Variants in BRINP3 observed in about 807,000 individuals in gnomAD.
The protein encoded by BRINP3 is BMP/retinoic acid-inducible neural-specific protein 3.
In BRINP3, 19 loss-of-function variants were observed where a neutral mutation model predicts 71.0. The observed-to-expected ratio is 0.27, with a 90% CI of 0.19 to 0.39. BRINP3 has a LOEUF of 0.39. Ranked by LOEUF, BRINP3 falls within the 10% of genes least tolerant of loss-of-function variation. The pLI is 1.00. For synonymous variants in BRINP3, 380 were observed against 337.7 expected, an observed-to-expected ratio of 1.13 and a Z score of -1.37; for missense variants, 959 against 940.8, an observed-to-expected ratio of 1.02 and a Z score of -0.25.
intron 2 of BRINP3, among the ~76,000 whole-genome samples, chr1:190,301,204 C>CATATATAT (rs369121473): frequency 0.079 from 8,345 of 105,064 alleles, 463 homozygotes; most frequent in Middle Eastern, 0.11. Flanking sequence ...TATACACATA[C>CATATATAT]ATATATATAT....
chr1:190,327,061 ATC>A (rs1269746820), intron 2 of BRINP3, among the ~76,000 whole-genome samples: 1 of 151,642 alleles, frequency 6.6e-6, no homozygotes. Flanking sequence ...CATGCCTGTA[ATC>A]TCAGCGCTTT....
intron 2 of BRINP3, among the ~76,000 whole-genome samples, chr1:190,296,182 T>A (rs913821939): frequency 7.2e-5 from 11 of 151,896 alleles, no homozygotes; most frequent in African/African-American, 2.4e-4. Context: ...CAGTTTCATG[T>A]TATATTTAAG....
At chr1:190,188,757 G>A (rs2102563548) in intron 6 of BRINP3, among the ~76,000 whole-genome samples, 1 of 151,674 alleles carries the variant, frequency 6.6e-6, no homozygotes, top group Admixed American at 6.6e-5. Flanking sequence ...TTGGCTTGCT[G>A]GTATCTTTTT....
At chr1:190,453,925 A>T (rs1675817216) in intron 2 of BRINP3, among the ~76,000 whole-genome samples, 1 of 152,214 alleles carries the variant, frequency 6.6e-6, no homozygotes, top group South Asian at 2.1e-4. Context: ...CTTCACATAA[A>T]ATGTTCTTCA....
intron 3 of BRINP3, among the ~76,000 whole-genome samples, chr1:190,277,106 TATATATA>T (rs1456033743): frequency 1.7e-5 from 2 of 119,848 alleles, no homozygotes; most frequent in African/African-American, 5.7e-5. Context: ...TATATATATA[TATATATA>T]TATATTTATA....
At chr1:190,240,898 A>C (rs1014770537) in intron 4 of BRINP3, among the ~76,000 whole-genome samples, 68 of 149,910 alleles carry the variant, frequency 4.5e-4, no homozygotes, top group Non-Finnish European at 8.7e-4. Flanking sequence ...AAAAAAAAAA[A>C]AACCACCCTC....
intron 2 of BRINP3, among the ~76,000 whole-genome samples, chr1:190,296,825 G>T (rs1404664089): frequency 6.6e-6 from 1 of 151,740 alleles, no homozygotes; most frequent in Non-Finnish European, 1.5e-5. Flanking sequence ...AAGAATAAAA[G>T]GCTTAGGAGT....
chr1:190,462,525 T>C (rs1676463982), intron 1 of BRINP3, among the ~76,000 whole-genome samples: 1 of 152,154 alleles, frequency 6.6e-6, no homozygotes, highest in Non-Finnish European at 1.5e-5. Flanking sequence ...TGGAAAATCA[T>C]ATACTAGGAT....
At chr1:190,130,584 C>A (rs1177019239) in intron 7 of BRINP3, among the ~76,000 whole-genome samples, 1 of 151,962 alleles carries the variant, frequency 6.6e-6, no homozygotes, top group Non-Finnish European at 1.5e-5. Context: ...TATTCTAGAT[C>A]CTGTTCTAAA....
At chr1:190,250,353 T>C (rs533129511) in intron 4 of BRINP3, among the ~76,000 whole-genome samples, 4 of 152,124 alleles carry the variant, frequency 2.6e-5, no homozygotes, top group African/African-American at 7.2e-5. Flanking sequence ...GGAGAAATAA[T>C]ATATTAAATG....
At chr1:190,226,762 G>A (rs891256938) in intron 5 of BRINP3, among the ~76,000 whole-genome samples, 4 of 151,884 alleles carry the variant, frequency 2.6e-5, no homozygotes, top group African/African-American at 9.7e-5. Flanking sequence ...AATGGGTTGT[G>A]CCATTGATAA....
At chr1:190,304,728 A>G (rs1327059504) in intron 2 of BRINP3, among the ~76,000 whole-genome samples, 1 of 151,970 alleles carries the variant, frequency 6.6e-6, no homozygotes, top group African/African-American at 2.4e-5. Context: ...TAAAACCTCA[A>G]AAGCACAGAC....
chr1:190,435,136 C>G (rs1674373223), intron 2 of BRINP3, among the ~76,000 whole-genome samples: 1 of 152,122 alleles, frequency 6.6e-6, no homozygotes. Context: ...TACTATGAAA[C>G]TGCATCAGTC....
At chr1:190,184,961 C>G (rs780208193) in intron 6 of BRINP3, among the ~76,000 whole-genome samples, 9 of 151,946 alleles carry the variant, frequency 5.9e-5, no homozygotes, top group Non-Finnish European at 1.2e-4. Flanking sequence ...AACATAAACT[C>G]AAAGTGGATT....
chr1:190,152,864 A>T (rs1034020211), intron 7 of BRINP3, among the ~76,000 whole-genome samples: 22 of 152,258 alleles, frequency 1.4e-4, no homozygotes, highest in African/African-American at 5.3e-4. Context: ...AGTACCAATA[A>T]TTTTTATACA....
chr1:190,108,156 G>A (rs1030245639), intron 7 of BRINP3, among the ~76,000 whole-genome samples: 2 of 151,864 alleles, frequency 1.3e-5, no homozygotes, highest in Admixed American at 6.6e-5. Context: ...GAACTTCATC[G>A]ATCAAAAATG....
At chr1:190,180,564 A>G (rs1236293977) in intron 6 of BRINP3, among the ~76,000 whole-genome samples, 4 of 152,102 alleles carry the variant, frequency 2.6e-5, no homozygotes, top group Non-Finnish European at 4.4e-5. Context: ...GAAGAAATTG[A>G]GGGAAGCTAT....
intron 7 of BRINP3, among the ~76,000 whole-genome samples, chr1:190,154,302 G>A (rs1206834649): frequency 6.6e-6 from 1 of 152,130 alleles, no homozygotes; most frequent in Admixed American, 6.6e-5. Flanking sequence ...TGCAAAGGAA[G>A]AAGTGTTTGT....
chr1:190,170,184 G>A (rs1333320), intron 6 of BRINP3, among the ~76,000 whole-genome samples: 18,762 of 151,948 alleles, frequency 0.12, 1,707 homozygotes, highest in South Asian at 0.26. Context: ...GGACAGTCTG[G>A]TTTTGTTGAG....
Sources: gnomAD v4.1 joint callset for allele counts (sites outside exome capture counted in the v4.1 genomes callset) on GRCh38, gnomAD v4.1.1 for gene constraint, MANE v1.5 for transcripts, NCBI Gene and HGNC (gene_info 2026-07-23, HGNC 2026-07-21) for gene names.